Variants in MAD1L1 observed in about 807,000 individuals in gnomAD.
MAD1L1 encodes mitotic spindle assembly checkpoint protein MAD1.
A neutral mutation model predicts 96.9 loss-of-function variants in MAD1L1; 95 were observed. That is an observed-to-expected ratio of 0.98 (90% CI 0.83 to 1.16). The LOEUF (loss-of-function observed/expected upper bound fraction) is 1.16. Ranked by LOEUF, MAD1L1 falls within the 50% of genes most tolerant of loss-of-function variation. The pLI is 0.00. For missense variants in MAD1L1, 1,007 were observed against 954.4 expected, an observed-to-expected ratio of 1.06 and a Z score of -0.73; for synonymous variants, 473 against 396.6, an observed-to-expected ratio of 1.19 and a Z score of -2.29.
intron 18 of MAD1L1, among the ~76,000 whole-genome samples, chr7:1,856,119 C>A (rs12667600): frequency 0.41 from 62,307 of 152,004 alleles, 13,146 homozygotes; most frequent in Admixed American, 0.5. Context: ...AGAATTTCAA[C>A]GTATGGATTT....
chr7:2,054,504 C>T (rs1784310528), intron 12 of MAD1L1, among the ~76,000 whole-genome samples: 1 of 152,196 alleles, frequency 6.6e-6, no homozygotes, highest in African/African-American at 2.4e-5. Context: ...GCAGCAGTGT[C>T]TGTGACAAGG....
intron 14 of MAD1L1, among the ~76,000 whole-genome samples, chr7:1,992,365 G>A (rs1346733610): frequency 6.6e-6 from 1 of 152,276 alleles, no homozygotes; most frequent in East Asian, 1.9e-4. Flanking sequence ...CTCAATAGGA[G>A]CAGTTGTTAA....
At chr7:2,015,509 G>A (rs192935672) in intron 12 of MAD1L1, among the ~76,000 whole-genome samples, 12 of 152,342 alleles carry the variant, frequency 7.9e-5, no homozygotes, top group East Asian at 1.9e-4. Context: ...CCCATGGGTC[G>A]GGAACTGAGC....
intron 12 of MAD1L1, among the ~76,000 whole-genome samples, chr7:2,036,806 A>G (rs1783456508): frequency 6.6e-6 from 1 of 152,162 alleles, no homozygotes; most frequent in Admixed American, 6.5e-5. Flanking sequence ...GTCGGAAATG[A>G]CACTGGGTAC....
chr7:2,201,467 A>G (rs1792295252), intron 10 of MAD1L1, among the ~76,000 whole-genome samples: 1 of 152,164 alleles, frequency 6.6e-6, no homozygotes. Flanking sequence ...GTAAGCACCC[A>G]TGAGTAAAAA....
intron 11 of MAD1L1, among the ~76,000 whole-genome samples, chr7:2,108,515 G>A (rs1033873306): frequency 1.3e-5 from 2 of 152,088 alleles, no homozygotes; most frequent in African/African-American, 4.8e-5. Context: ...AACTTTCAAA[G>A]GCTGGTTCTG....
chr7:1,916,229 C>A (rs564144483), intron 17 of MAD1L1, among the ~76,000 whole-genome samples: 4 of 152,178 alleles, frequency 2.6e-5, no homozygotes, highest in Non-Finnish European at 5.9e-5. Flanking sequence ...AAGGCAGCTC[C>A]TCTCCTCCCT....
At chr7:2,125,187 C>G (rs901647765) in intron 11 of MAD1L1, among the ~76,000 whole-genome samples, 1 of 152,166 alleles carries the variant, frequency 6.6e-6, no homozygotes, top group Admixed American at 6.5e-5. Flanking sequence ...ACAGCAGCAG[C>G]AGGGCAAGTC....
At chr7:1,980,827 T>C (rs1430229334) in intron 14 of MAD1L1, 2 of 544,754 alleles carry the variant, frequency 3.7e-6, no homozygotes, top group African/African-American at 1.9e-5. Flanking sequence ...CTCTGGAGAG[T>C]GGACACGCAG....
chr7:1,878,500 T>TA (rs139928265), intron 18 of MAD1L1, among the ~76,000 whole-genome samples: 1,598 of 151,192 alleles, frequency 0.011, 20 homozygotes, highest in African/African-American at 0.033. Context: ...GGTTTAACAT[T>TA]AAAAAAAATC....
intron 5 of MAD1L1, chr7:2,221,014 A>G (rs959334691): frequency 2.5e-6 from 4 of 1,612,110 alleles, no homozygotes; most frequent in South Asian, 1.1e-5. Context: ...GAGCGTGACA[A>G]TCAGGACCCT....
chr7:2,172,898 G>C (rs778389959), intron 10 of MAD1L1, among the ~76,000 whole-genome samples: 1 of 152,230 alleles, frequency 6.6e-6, no homozygotes, highest in East Asian at 1.9e-4. Flanking sequence ...TGCACACCGC[G>C]GTCTGTGCGC....
At chr7:1,873,651 C>A (rs1785226374) in intron 18 of MAD1L1, among the ~76,000 whole-genome samples, 1 of 152,080 alleles carries the variant, frequency 6.6e-6, no homozygotes, top group African/African-American at 2.4e-5. Flanking sequence ...CAGCTGCCCA[C>A]TGCTGCCTCC....
chr7:1,860,580 T>C (rs560584258), intron 18 of MAD1L1, among the ~76,000 whole-genome samples: 2 of 152,306 alleles, frequency 1.3e-5, no homozygotes, highest in South Asian at 2.1e-4. Context: ...CGCTTTGTTC[T>C]TCCCCAGTGA....
intron 10 of MAD1L1, among the ~76,000 whole-genome samples, chr7:2,210,309 A>G (rs1413285324): frequency 1.3e-5 from 2 of 152,122 alleles, no homozygotes; most frequent in Non-Finnish European, 2.9e-5. Flanking sequence ...AGGCTCGAGC[A>G]ATCCCCCTGC....
chr7:2,004,538 G>T (rs146162575), intron 13 of MAD1L1, among the ~76,000 whole-genome samples: 1 of 152,182 alleles, frequency 6.6e-6, no homozygotes. Context: ...AGAGCTGTGC[G>T]CGAGGCCCGG....
chr7:1,890,963 G>A (rs569860190), intron 18 of MAD1L1, among the ~76,000 whole-genome samples: 1 of 152,278 alleles, frequency 6.6e-6, no homozygotes, highest in East Asian at 1.9e-4. Flanking sequence ...TCAGACAGAC[G>A]CCAGCAGCGG....
intron 12 of MAD1L1, among the ~76,000 whole-genome samples, chr7:2,048,610 C>A (rs1784036584): frequency 6.6e-6 from 1 of 152,216 alleles, no homozygotes; most frequent in Non-Finnish European, 1.5e-5. Flanking sequence ...GCAGGTGGGT[C>A]AGCCAGGAAG....
chr7:2,120,814 C>T (rs1787942071), intron 11 of MAD1L1, among the ~76,000 whole-genome samples: 1 of 152,234 alleles, frequency 6.6e-6, no homozygotes, highest in Non-Finnish European at 1.5e-5. Flanking sequence ...CGGGGGACAG[C>T]AGGGCCTCAG....
Sources: allele counts gnomAD v4.1 joint callset (sites outside exome capture counted in the v4.1 genomes callset), GRCh38; gene constraint gnomAD v4.1.1; transcripts MANE v1.5; gene names NCBI Gene and HGNC (gene_info 2026-07-23, HGNC 2026-07-21).